The following CNOT1 variants were observed in gnomAD, a reference collection of about 807,000 sequenced individuals.
CNOT1 encodes the protein CCR4-NOT transcription complex subunit 1.
A neutral mutation model predicts 273.8 loss-of-function variants in CNOT1; 15 were observed. That is an observed-to-expected ratio of 0.05 (90% CI 0.04 to 0.08). The LOEUF is 0.08. Among genes scored for constraint, CNOT1 ranks in the 10% least tolerant of loss-of-function variants. CNOT1 has a pLI of 1.00. For synonymous variants in CNOT1, 1,022 were observed against 1,005.5 expected, an observed-to-expected ratio of 1.02 and a Z score of -0.31; for missense variants, 1,644 against 2,912.2, an observed-to-expected ratio of 0.56 and a Z score of 10.02.
In CNOT1 at chr16:58,547,246, T is replaced by C. The variant is rs765798702; in HGVS notation, c.3690A>G (p.Gln1230=). Residue 1230 remains glutamine (Q), a synonymous_variant, in exon 27 of 49, where the codon CAA becomes CAG. Coordinates refer to ENST00000317147, the MANE Select transcript of CNOT1 (RefSeq NM_016284.5). The surrounding 1 kb of genome is among the most constrained non-coding windows in gnomAD (Gnocchi z 4.0). Reference sequence around the variant, plus strand: ...CAAAGGGCACTACATAGAGCAATTCTTGTTGTCCTTTAACATAAGCCTCTA... The same window carrying C: ...CAAAGGGCACTACATAGAGCAATTCCTGTTGTCCTTTAACATAAGCCTCTA... ...LLLEAYVKGQ[Q]ELLYVVPFVA... 6.2e-7 allele frequency: 1 copy of C among 1,613,978 alleles called. No individual in the cohort carries two copies. Among genetic ancestry groups the C allele is most frequent in the South Asian group, 1.1e-5 (1 of 91,066 alleles).
At chr16:58,570,962 C>T (rs2041250902) in intron 16 of CNOT1, among the ~76,000 whole-genome samples, 2 of 151,832 alleles carry the variant, frequency 1.3e-5, no homozygotes, top group African/African-American at 4.8e-5. Flanking sequence ...GCAAAAGAGC[C>T]CTATATTATC....
intron 17 of CNOT1, 104 bp from the exon 18 acceptor site, chr16:58,558,778 C>A: frequency 2.8e-6 from 4 of 1,426,664 alleles, no homozygotes; most frequent in South Asian, 1.3e-5. Flanking sequence ...AAAAAGCAAA[C>A]TATTACACCC....
At chr16:58,613,272 T>A (rs2042960489) in intron 1 of CNOT1, among the ~76,000 whole-genome samples, 1 of 151,676 alleles carries the variant, frequency 6.6e-6, no homozygotes, top group South Asian at 2.1e-4. Context: ...GACCTCGTGA[T>A]CTGCCCACCT....
Position 58,556,988 on chromosome 16 carries a change from C to A in CNOT1, c.2338G>T (p.Gly780Cys). ...GGLSSQLPVGGLGTGSLTGIG... is the reference protein window; with the variant it reads ...GGLSSQLPVGCLGTGSLTGIG... ...CCAGTCAGGCTGCCTGTGCCAAGAC[C>A]ACCTACTAGAGAGAACGAAGGCAGC... Residue 780 changes from glycine to cysteine, a missense_variant, in exon 19 of 49, where the codon GGT becomes TGT. By Grantham distance (159) the Gly-to-Cys change is radical. Coordinates refer to ENST00000317147, the MANE Select transcript of CNOT1 (RefSeq NM_016284.5). 1 of 1,613,764 alleles carries A rather than the reference C, an allele frequency of 6.2e-7. No homozygotes were observed. The highest frequency in any genetic ancestry group is 8.5e-7 in the Non-Finnish European group (1 of 1,179,916).
chr16:58,559,478 A>T (rs2040757023), intron 17 of CNOT1, among the ~76,000 whole-genome samples: 1 of 151,490 alleles, frequency 6.6e-6, no homozygotes, highest in African/African-American at 2.5e-5. Flanking sequence ...AATTTAGTCG[A>T]AATTTGGGGA....
intron 16 of CNOT1, among the ~76,000 whole-genome samples, chr16:58,571,279 G>A (rs1196556672): frequency 6.6e-6 from 1 of 152,162 alleles, no homozygotes; most frequent in African/African-American, 2.4e-5. Context: ...ATTAAGGCCG[G>A]GCACGGTGGC....
At chr16:58,570,840 CAAAG>C (rs1284067880) in intron 16 of CNOT1, among the ~76,000 whole-genome samples, 1 of 151,244 alleles carries the variant, frequency 6.6e-6, no homozygotes, top group African/African-American at 2.4e-5. Context: ...AAAATAAAGT[CAAAG>C]AAACATAGGA....
At chr16:58,609,139 C>T (rs765645094) in intron 1 of CNOT1, among the ~76,000 whole-genome samples, 3 of 152,068 alleles carry the variant, frequency 2.0e-5, no homozygotes, top group African/African-American at 4.8e-5. Flanking sequence ...TTGGGGAGGC[C>T]GAGGCAGGTG....
rs2041619227 is a variant in CNOT1, at chr16:58,580,483, A to G, written c.1343+150T>C. On this transcript the variant is annotated intron_variant, in intron 12 of 48. Transcript: ENST00000317147. ...GAGACTGAAAAAGAATTTATCTACCAACCCCCTCTATAAATACTTAAGATA... is the reference window on the plus strand; with the variant it reads ...GAGACTGAAAAAGAATTTATCTACCGACCCCCTCTATAAATACTTAAGATA... 13 of 1,263,752 alleles carry G rather than the reference A, an allele frequency of 1.0e-5. No homozygotes were observed. In the South Asian group the frequency reaches 2.2e-4, roughly 21 times the overall value. 78.3% of individuals were successfully genotyped at this position (1,263,752 alleles called of 1,614,324 possible). A position where few individuals can be genotyped will look rare whatever the true frequency, so the allele number is the denominator to read the frequency against.
Position 58,599,630 on chromosome 16 carries a change from T to G in CNOT1, c.-174-119A>C, listed in dbSNP as rs2042392601. 4 of 458,624 alleles carry G rather than the reference T, an allele frequency of 8.7e-6. No homozygotes were observed. In the South Asian group the frequency reaches 2.5e-4, roughly 29 times the overall value. The allele number at this position is 458,624 out of a possible 1,614,324, so 28.4% of individuals were successfully genotyped here. ...ATCACAACTAGTTGCAAATTAATAATTAGAAGAGAATAGGGTTAAACTACC... is the reference window on the plus strand; with the variant it reads ...ATCACAACTAGTTGCAAATTAATAAGTAGAAGAGAATAGGGTTAAACTACC... On this transcript the variant is annotated intron_variant, in intron 1 of 48. Transcript: ENST00000317147.
intron 25 of CNOT1, 59 bp downstream of exon 25, chr16:58,549,660 A>T: frequency 6.5e-7 from 1 of 1,539,856 alleles, no homozygotes; most frequent in Non-Finnish European, 8.7e-7. Context: ...CTACCTATAT[A>T]ATCAAATATT....
intron 19 of CNOT1, among the ~76,000 whole-genome samples, 175 bp downstream of exon 19, chr16:58,556,672 C>T (rs1399156807): frequency 6.6e-6 from 1 of 152,192 alleles, no homozygotes; most frequent in Non-Finnish European, 1.5e-5. Flanking sequence ...TTATTAACCA[C>T]GACTTTGTTC....
In CNOT1 at chr16:58,551,071, T is replaced by C. The variant is rs903923522; in HGVS notation, c.3342+61A>G. 5 of 1,584,594 alleles carry C rather than the reference T, an allele frequency of 3.2e-6. 1 individual carries two copies. The highest frequency in any genetic ancestry group is 1.9e-5 in the Admixed American group (1 of 51,508). On this transcript the variant is annotated intron_variant, in intron 24 of 48. Transcript: ENST00000317147. ...AGTGAGTATGTAAAAGGGCCAACTA[T>C]ACATCCTTTAGTCCATTAAGGAAAA...
At chr16:58,578,272 G>A (rs1398163469) in intron 13 of CNOT1, among the ~76,000 whole-genome samples, 1 of 151,976 alleles carries the variant, frequency 6.6e-6, no homozygotes, top group African/African-American at 2.4e-5. Context: ...TGGCCAACAT[G>A]GTGAAATCCC....
At chr16:58,578,240 G>A (rs1276806468) in intron 13 of CNOT1, among the ~76,000 whole-genome samples, 2 of 151,988 alleles carry the variant, frequency 1.3e-5, no homozygotes, top group Non-Finnish European at 2.9e-5. Flanking sequence ...GATCATTTGA[G>A]GTCAGGAGTT....
At chr16:58,579,240 A>G (rs1487807991) in intron 12 of CNOT1, among the ~76,000 whole-genome samples, 1 of 152,238 alleles carries the variant, frequency 6.6e-6, no homozygotes, top group Non-Finnish European at 1.5e-5. Flanking sequence ...GGTAGACTAG[A>G]GAACAAATGC....
intron 16 of CNOT1, among the ~76,000 whole-genome samples, chr16:58,567,218 C>T (rs1295026553): frequency 6.6e-6 from 1 of 151,984 alleles, no homozygotes; most frequent in African/African-American, 2.4e-5. Flanking sequence ...TGCCTATAAC[C>T]CCAGCGCTTT....
intron 7 of CNOT1, among the ~76,000 whole-genome samples, chr16:58,586,320 GAGGAGAGGGAGAGGGGA>G (rs1330712083): frequency 2.8e-3 from 1 of 358 alleles, no homozygotes; most frequent in Non-Finnish European, 5.4e-3. Flanking sequence ...AGGGGAAGGG[GAGGAGAGGGAGAGGGGA>G]AGGGGAGGGG....
At chr16:58,580,900 G>A in intron 11 of CNOT1, 140 bp from the exon 12 acceptor site, 2 of 838,772 alleles carry the variant, frequency 2.4e-6, no homozygotes, top group South Asian at 2.1e-5. Context: ...TTTGCCCTTT[G>A]AAAACCACAC....
Sources: gnomAD v4.1 joint callset for allele counts (sites outside exome capture counted in the v4.1 genomes callset) on GRCh38, gnomAD v4.1.1 for gene constraint, Gnocchi (gnomAD v3.1) non-coding constraint, MANE v1.5 for transcripts, NCBI Gene and HGNC (gene_info 2026-07-23, HGNC 2026-07-21) for gene names.